GRID2: variants seen among roughly 807,000 people sequenced by gnomAD.
The protein encoded by GRID2 is glutamate receptor ionotropic, delta-2.
A neutral mutation model predicts 114.8 loss-of-function variants in GRID2; 33 were observed. The observed-to-expected ratio is 0.29, with a 90% confidence interval of 0.22 to 0.38. GRID2 has a LOEUF of 0.38. GRID2 is among the 10% of genes least tolerant of loss of function. The probability of loss-of-function intolerance (pLI) is 1.00; values close to 1 mark genes in which losing one functional copy is unlikely to be tolerated. For missense variants in GRID2, 1,184 were observed against 1,257.7 expected (o/e 0.94, Z 0.89); for synonymous variants, 505 against 449.9 (o/e 1.12, Z -1.55).
At chr4:93,119,298 C>T (rs190175438) in intron 4 of GRID2, among the ~76,000 whole-genome samples, 3 of 152,144 alleles carry the variant, frequency 2.0e-5, no homozygotes, top group Admixed American at 2.0e-4. Flanking sequence ...CAGCAGTGCT[C>T]ACTTGGTTTT....
intron 10 of GRID2, among the ~76,000 whole-genome samples, chr4:93,433,639 T>C (rs1022238127): frequency 6.6e-6 from 1 of 152,154 alleles, no homozygotes; most frequent in Non-Finnish European, 1.5e-5. Context: ...CCCACTCCTA[T>C]TGTCTAGGAT....
chr4:93,678,086 G>A (rs925625769), intron 14 of GRID2, among the ~76,000 whole-genome samples: 4 of 152,182 alleles, frequency 2.6e-5, no homozygotes, highest in Non-Finnish European at 5.9e-5. Flanking sequence ...GCTTAAAGGA[G>A]CTGATGGAGC....
intron 2 of GRID2, among the ~76,000 whole-genome samples, chr4:92,883,461 T>C (rs1045747949): frequency 6.6e-6 from 1 of 152,186 alleles, no homozygotes; most frequent in Non-Finnish European, 1.5e-5. Context: ...CCATGAATGT[T>C]CTGAGTGTCA....
At chr4:93,561,136 G>A (rs972131907) in intron 13 of GRID2, among the ~76,000 whole-genome samples, 4 of 152,054 alleles carry the variant, frequency 2.6e-5, no homozygotes, top group African/African-American at 9.7e-5. Flanking sequence ...TCAGATAATG[G>A]AATGGACAAA....
At chr4:92,619,623 G>A (rs967400304) in intron 2 of GRID2, among the ~76,000 whole-genome samples, 2 of 151,452 alleles carry the variant, frequency 1.3e-5, no homozygotes, top group African/African-American at 4.8e-5. Flanking sequence ...TCCCAACCCC[G>A]GCATGGAAGC....
At chr4:93,179,834 G>T (rs547997448) in intron 4 of GRID2, among the ~76,000 whole-genome samples, 1 of 152,060 alleles carries the variant, frequency 6.6e-6, no homozygotes, top group Admixed American at 6.6e-5. Context: ...TTCAAACGAT[G>T]GGGGGACTGA....
At chr4:93,209,088 TTTG>T (rs981240679) in intron 5 of GRID2, among the ~76,000 whole-genome samples, 1 of 151,902 alleles carries the variant, frequency 6.6e-6, no homozygotes, top group Non-Finnish European at 1.5e-5. Flanking sequence ...TTGGTTTTGT[TTTG>T]TTTTTGTTTT....
intron 1 of GRID2, among the ~76,000 whole-genome samples, chr4:92,396,091 A>G (rs1009292494): frequency 6.6e-6 from 1 of 151,916 alleles, no homozygotes; most frequent in Non-Finnish European, 1.5e-5. Context: ...ATTTAAAATA[A>G]AGTGATACCT....
At chr4:93,271,782 A>G (rs1310995012) in intron 8 of GRID2, among the ~76,000 whole-genome samples, 1 of 151,912 alleles carries the variant, frequency 6.6e-6, no homozygotes, top group African/African-American at 2.4e-5. Context: ...TTTTTATTGT[A>G]CTTTATGAAT....
chr4:93,091,056 C>A (rs1730745502), intron 3 of GRID2, among the ~76,000 whole-genome samples: 1 of 152,122 alleles, frequency 6.6e-6, no homozygotes, highest in Non-Finnish European at 1.5e-5. Flanking sequence ...TGGAACTCAG[C>A]CATGTTCATT....
chr4:92,494,992 A>G (rs1723318881), intron 1 of GRID2, among the ~76,000 whole-genome samples: 1 of 152,066 alleles, frequency 6.6e-6, no homozygotes, highest in African/African-American at 2.4e-5. Flanking sequence ...TCCAGAATAG[A>G]GAAAAATTAA....
intron 2 of GRID2, among the ~76,000 whole-genome samples, chr4:92,908,813 T>G (rs1016633993): frequency 1.3e-5 from 2 of 152,160 alleles, no homozygotes; most frequent in Non-Finnish European, 2.9e-5. Context: ...ACAGAGTTGT[T>G]AGGTTGTCTT....
chr4:93,666,035 CT>C (rs1160290548), intron 14 of GRID2, among the ~76,000 whole-genome samples: 2 of 152,106 alleles, frequency 1.3e-5, no homozygotes, highest in Non-Finnish European at 2.9e-5. Context: ...CCACAAGCCC[CT>C]GAAGGGAAGG....
intron 1 of GRID2, among the ~76,000 whole-genome samples, chr4:92,478,622 C>G (rs568566921): frequency 1.3e-5 from 2 of 152,116 alleles, no homozygotes; most frequent in East Asian, 1.9e-4. Context: ...CCTTAATTGC[C>G]AAAGCAAAAG....
intron 1 of GRID2, among the ~76,000 whole-genome samples, chr4:92,357,716 T>C (rs555996313): frequency 3.3e-5 from 5 of 151,974 alleles, no homozygotes; most frequent in East Asian, 1.9e-4. Context: ...TATAAATACA[T>C]TGAGTAGTTG....
chr4:92,770,621 G>A (rs1439650572), intron 2 of GRID2, among the ~76,000 whole-genome samples: 2 of 152,134 alleles, frequency 1.3e-5, no homozygotes, highest in African/African-American at 4.8e-5. Flanking sequence ...TGAAAGGCAA[G>A]GAGGGGCAAT....
At chr4:93,681,421 A>G (rs898285382) in intron 14 of GRID2, among the ~76,000 whole-genome samples, 5 of 151,538 alleles carry the variant, frequency 3.3e-5, no homozygotes, top group African/African-American at 1.2e-4. Context: ...AGAATTGGAA[A>G]AAAACTACTT....
intron 13 of GRID2, among the ~76,000 whole-genome samples, chr4:93,606,913 T>C (rs1740300674): frequency 6.6e-6 from 1 of 152,184 alleles, no homozygotes; most frequent in Non-Finnish European, 1.5e-5. Context: ...ATTTGGGCTT[T>C]TATTCAGTAT....
intron 3 of GRID2, among the ~76,000 whole-genome samples, chr4:93,104,834 G>T (rs559470466): frequency 6.6e-6 from 1 of 151,996 alleles, no homozygotes; most frequent in Non-Finnish European, 1.5e-5. Flanking sequence ...GTAATGGGAT[G>T]GCTGGGTCAA....
Sources: gnomAD v4.1 joint callset for allele counts (sites outside exome capture counted in the v4.1 genomes callset) on GRCh38, gnomAD v4.1.1 for gene constraint, MANE v1.5 for transcripts, NCBI Gene and HGNC (gene_info 2026-07-23, HGNC 2026-07-21) for gene names.